Variants in KAT5 observed in about 807,000 individuals in gnomAD.
The protein encoded by KAT5 is lysine acetyltransferase 5, also known as histone acetyltransferase KAT5.
In KAT5, 31 loss-of-function variants were observed where a neutral mutation model predicts 68.1. That is an observed-to-expected ratio of 0.46 (90% CI 0.34 to 0.61). The LOEUF (loss-of-function observed/expected upper bound fraction) is 0.61. KAT5 is among the 20% of genes least tolerant of loss of function. The probability of loss-of-function intolerance (pLI) is 0.01; values close to 1 mark genes in which losing one functional copy is unlikely to be tolerated. For synonymous variants in KAT5, 365 were observed against 292.6 expected, an observed-to-expected ratio of 1.25 and a Z score of -2.52; for missense variants, 451 against 725.5, an observed-to-expected ratio of 0.62 and a Z score of 4.35.
chr11:65,717,250 C>T (rs776786320), intron 10 of KAT5: 21 of 553,232 alleles, frequency 3.8e-5, no homozygotes, highest in South Asian at 1.4e-4. Flanking sequence ...CTTACGTGCT[C>T]CTGCCTGGAG....
At chr11:65,712,857 G>T (rs747588721) in intron 2 of KAT5, 23 bp downstream of exon 2, 1 of 1,614,100 alleles carries the variant, frequency 6.2e-7, no homozygotes, top group Non-Finnish European at 8.5e-7. Flanking sequence ...CCTGAGGTGG[G>T]GCATCAGGGT....
chr11:65,712,302 G>GGCGGA lies in KAT5; in HGVS notation c.37_41dup (p.Arg14SerfsTer16). The GGCGGA allele has an allele frequency of 6.8e-7, 1 of 1,462,424 alleles. No homozygotes were observed. Among genetic ancestry groups the GGCGGA allele is most frequent in the Non-Finnish European group, 9.0e-7 (1 of 1,110,432 alleles). The allele number at this position is 1,462,424 out of a possible 1,614,324, so 90.6% of individuals were successfully genotyped here. A position where few individuals can be genotyped will look rare whatever the true frequency, so the allele number is the denominator to read the frequency against. On this transcript the variant is annotated frameshift_variant, in exon 1 of 13. Coordinates refer to ENST00000341318, the MANE Select transcript of KAT5 (RefSeq NM_182710.3). LOFTEE classifies it high-confidence loss of function. The stretch of plus-strand genomic sequence containing the variant: ...GTGGTGAGTCCGGTGCCCGGGGCGG[G>GGCGGA]GCGGAGGGAGCCAGGGGAGGTGGGT...
At chr11:65,714,246 G>T in intron 6 of KAT5, 2 of 564,464 alleles carry the variant, frequency 3.5e-6, no homozygotes, top group Non-Finnish European at 6.3e-6. Flanking sequence ...AGTGAGCCAA[G>T]ATCGCGCTAC....
In KAT5 at chr11:65,713,023, C is replaced by G; in HGVS notation, c.349C>G (p.Pro117Ala). 1 of 1,613,632 alleles carries G rather than the reference C, an allele frequency of 6.2e-7. No individual in the cohort carries two copies. Among genetic ancestry groups the G allele is most frequent in the South Asian group, 1.1e-5 (1 of 91,050 alleles). ...CAAGACCCCCACTAAGAACGGACTTCCTGGGTCCCGTCCTGGCTCTCCAGA... is the reference window on the plus strand; with the variant it reads ...CAAGACCCCCACTAAGAACGGACTTGCTGGGTCCCGTCCTGGCTCTCCAGA... ...EAKTPTKNGL[P>A]GSRPGSPERE... The change falls in exon 3 of 13, where the codon CCT (proline) becomes GCT (alanine). Residue 117 changes from proline to alanine, a missense_variant. Pro to Ala is a conservative substitution (Grantham distance 27). This residue lies in a region of KAT5 where 135 missense variants were observed against 173.4 expected (regional missense o/e 0.78). Coordinates refer to ENST00000341318, the MANE Select transcript of KAT5 (RefSeq NM_182710.3).
upstream of KAT5, chr11:65,712,188 G>A: frequency 1.5e-6 from 2 of 1,349,924 alleles, no homozygotes; most frequent in Non-Finnish European, 1.9e-6. Flanking sequence ...GGGGCTTCGT[G>A]AGGCCCGGGC....
At chr11:65,713,689 T>C in intron 5 of KAT5, 22 bp downstream of exon 5, 15 of 1,613,764 alleles carry the variant, frequency 9.3e-6, no homozygotes, top group Non-Finnish European at 1.3e-5. Flanking sequence ...AAACCATCTC[T>C]TGTTCTCTTC....
At position 65,717,414 on chromosome 11, in the gene KAT5, A is replaced by G. The variant is rs114188697; in HGVS notation, c.1264+432A>G. On this transcript the variant is annotated intron_variant, in intron 10 of 12. Transcript: ENST00000341318. The stretch of plus-strand genomic sequence containing the variant: ...CAAAATGCTGTCAGCAGATAGACAT[A>G]AGCATGTTGTCCCTCGCTCCTTGTG... 193 of 246,206 alleles carry G rather than the reference A, an allele frequency of 7.8e-4. 1 individual carries two copies. Among genetic ancestry groups the G allele is most frequent in the African/African-American group, 4.1e-3 (186 of 45,166 alleles). 15.3% of individuals were successfully genotyped at this position (246,206 alleles called of 1,614,324 possible).
At chr11:65,714,266 G>A in intron 6 of KAT5, 1 of 587,308 alleles carries the variant, frequency 1.7e-6, no homozygotes, top group South Asian at 2.1e-5. Flanking sequence ...CTGCCCTCCA[G>A]CCTGGGCGAC....
At chr11:65,715,172 C>T in intron 8 of KAT5, 1 of 492,310 alleles carries the variant, frequency 2.0e-6, no homozygotes, top group Non-Finnish European at 3.7e-6. Context: ...TAGCAGGACC[C>T]AAAGGAGGTG....
At chr11:65,717,165 T>C in intron 10 of KAT5, 183 bp downstream of exon 10, 1 of 611,438 alleles carries the variant, frequency 1.6e-6, no homozygotes, top group Non-Finnish European at 2.9e-6. Context: ...CCTGCTTATC[T>C]GGGGTAGGTT....
chr11:65,715,639 T>C (rs1004024529), intron 8 of KAT5, among the ~76,000 whole-genome samples: 2 of 152,054 alleles, frequency 1.3e-5, no homozygotes, highest in African/African-American at 4.8e-5. Flanking sequence ...CGGGTGCCTG[T>C]AATCCCAGCT....
chr11:65,713,201 G>A, intron 3 of KAT5, 143 bp downstream of exon 3: 1 of 1,316,406 alleles, frequency 7.6e-7, no homozygotes, highest in Non-Finnish European at 1.1e-6. Context: ...AATTGCACAT[G>A]TAGCTCCCAG....
chr11:65,714,375 A>G (rs1464990511), intron 6 of KAT5, 120 bp from the exon 7 acceptor site: 2 of 1,143,516 alleles, frequency 1.7e-6, no homozygotes, highest in Non-Finnish European at 1.2e-6. Context: ...ATTGGGGATC[A>G]TGGTACCTCC....
chr11:65,712,071 C>T (rs1257930391), upstream of KAT5: 5 of 488,200 alleles, frequency 1.0e-5, no homozygotes, highest in South Asian at 2.0e-4. Flanking sequence ...GGGTTTCCAC[C>T]TAGGGCTCGG....
At position 65,714,815 on chromosome 11, in the gene KAT5, C is replaced by T. The variant is rs764906283; in HGVS notation, c.940-6C>T. ...CCCTTGTTCCTGATCCTCCTCTCTTCCCCAGACCAAGTGTGACCTACGACA... is the reference window on the plus strand; with the variant it reads ...CCCTTGTTCCTGATCCTCCTCTCTTTCCCAGACCAAGTGTGACCTACGACA... On this transcript the variant is annotated splice_region_variant and splice_polypyrimidine_tract_variant and intron_variant, in intron 7 of 12. Transcript: ENST00000341318. 1.5e-5 allele frequency: 24 copies of T among 1,614,108 alleles called. No individual in the cohort carries two copies.
At chr11:65,717,514 C>T (rs4645932) in intron 10 of KAT5, 11,124 of 164,952 alleles carry the variant, frequency 0.067, 440 homozygotes, top group East Asian at 0.15. Flanking sequence ...GTGCCCTCCC[C>T]AACCCTGAGG....
At chr11:65,715,683 C>T (rs1408989817) in intron 8 of KAT5, among the ~76,000 whole-genome samples, 1 of 152,008 alleles carries the variant, frequency 6.6e-6, no homozygotes, top group Non-Finnish European at 1.5e-5. Flanking sequence ...ATGGCGTGAA[C>T]CCAGGAGGCA....
chr11:65,718,615 G>A lies in KAT5; in HGVS notation c.1290G>A (p.Gly430=), dbSNP rs769267207. The A allele has an allele frequency of 3.1e-6, 5 of 1,614,206 alleles. No homozygotes were observed. The highest frequency in any genetic ancestry group is 4.2e-6 in the Non-Finnish European group (5 of 1,180,034). Residue 430 remains glycine (G), a synonymous_variant, in exon 11 of 13, where the codon GGG becomes GGA. Coordinates refer to ENST00000341318, the MANE Select transcript of KAT5 (RefSeq NM_182710.3). ...GCTATGAACTCTCCAAAGTGGAAGGGAAAACAGGGACCCCTGAGAAGCCCC... is the reference window on the plus strand; with the variant it reads ...GCTATGAACTCTCCAAAGTGGAAGGAAAAACAGGGACCCCTGAGAAGCCCC... ...EFSYELSKVE[G]KTGTPEKPLS...
intron 8 of KAT5, 184 bp downstream of exon 8, chr11:65,715,094 G>A: frequency 1.6e-6 from 1 of 618,010 alleles, no homozygotes; most frequent in Non-Finnish European, 2.9e-6. Context: ...CTTAGTCCAT[G>A]GGAGAGACAG....
Sources: allele counts gnomAD v4.1 joint callset (sites outside exome capture counted in the v4.1 genomes callset), GRCh38; gene constraint gnomAD v4.1.1; regional missense constraint gnomAD v4.1.1; transcripts MANE v1.5; gene names NCBI Gene and HGNC (gene_info 2026-07-23, HGNC 2026-07-21).